The following CDK17 variants were observed in gnomAD, a reference collection of about 807,000 sequenced individuals.
The protein encoded by CDK17 is cyclin dependent kinase 17.
A neutral mutation model predicts 77.6 loss-of-function variants in CDK17; 24 were observed. The ratio of observed to expected loss-of-function variants is 0.31; its 90% confidence interval spans 0.22 to 0.44. The LOEUF (loss-of-function observed/expected upper bound fraction) is 0.44, where lower values mean the gene tolerates loss of function less well. Ranked by LOEUF, CDK17 falls within the 20% of genes least tolerant of loss-of-function variation. CDK17 has a pLI of 1.00. For synonymous variants in CDK17, 203 were observed against 210.4 expected, an observed-to-expected ratio of 0.96 and a Z score of 0.30; for missense variants, 429 against 622.5, an observed-to-expected ratio of 0.69 and a Z score of 3.31.
intron 5 of CDK17, among the ~76,000 whole-genome samples, chr12:96,310,274 AAT>A (rs569811289): frequency 2.0e-5 from 3 of 152,024 alleles, no homozygotes; most frequent in Non-Finnish European, 4.4e-5. Flanking sequence ...CATATTGTGC[AAT>A]ATATATATAC....
chr12:96,312,649 T>C (rs372812108), intron 4 of CDK17, among the ~76,000 whole-genome samples: 2 of 152,192 alleles, frequency 1.3e-5, no homozygotes, highest in African/African-American at 4.8e-5. Flanking sequence ...AATACTTTCA[T>C]TTCAAAACAT....
intron 5 of CDK17, among the ~76,000 whole-genome samples, chr12:96,308,078 T>C (rs915311689): frequency 6.6e-6 from 1 of 151,980 alleles, no homozygotes; most frequent in Non-Finnish European, 1.5e-5. Context: ...TTGTAGACTA[T>C]CTAACTAGAA....
chr12:96,339,922 C>T (rs1289996452), intron 1 of CDK17, among the ~76,000 whole-genome samples: 1 of 151,554 alleles, frequency 6.6e-6, no homozygotes, highest in East Asian at 1.9e-4. Context: ...GACTCTGTCT[C>T]AATCAATCAA....
chr12:96,361,218 T>C (rs1041331194), intron 1 of CDK17, among the ~76,000 whole-genome samples: 1 of 152,188 alleles, frequency 6.6e-6, no homozygotes, highest in Non-Finnish European at 1.5e-5. Context: ...GTGATGAAGA[T>C]GGTTTTATGA....
intron 5 of CDK17, among the ~76,000 whole-genome samples, chr12:96,305,552 C>A (rs1311702032): frequency 6.6e-6 from 1 of 152,062 alleles, no homozygotes; most frequent in African/African-American, 2.4e-5. Context: ...AGACTGAACA[C>A]ACATCAGTTT....
At chr12:96,322,943 A>G (rs1218482352) in intron 3 of CDK17, among the ~76,000 whole-genome samples, 1 of 152,226 alleles carries the variant, frequency 6.6e-6, no homozygotes, top group Non-Finnish European at 1.5e-5. Context: ...TAAAGGCTAT[A>G]TGCAGTTCTC....
At chr12:96,357,518 TG>T (rs1953415854) in intron 1 of CDK17, among the ~76,000 whole-genome samples, 1 of 152,160 alleles carries the variant, frequency 6.6e-6, no homozygotes. Context: ...AGTTATGTGA[TG>T]AACACTCTCG....
At chr12:96,390,577 C>T (rs1014797978) in intron 1 of CDK17, among the ~76,000 whole-genome samples, 3 of 149,756 alleles carry the variant, frequency 2.0e-5, no homozygotes, top group East Asian at 2.0e-4. Context: ...GACACAATGG[C>T]GTGCACCTGT....
At chr12:96,371,245 A>T (rs1400261884) in intron 1 of CDK17, among the ~76,000 whole-genome samples, 2 of 152,118 alleles carry the variant, frequency 1.3e-5, no homozygotes, top group African/African-American at 4.8e-5. Flanking sequence ...CTACAATACC[A>T]GATTATCTCA....
intron 1 of CDK17, among the ~76,000 whole-genome samples, chr12:96,396,238 C>T (rs1199596018): frequency 1.3e-5 from 2 of 152,214 alleles, no homozygotes; most frequent in Non-Finnish European, 2.9e-5. Context: ...ATTCAATACA[C>T]TTCTCTGGCC....
intron 10 of CDK17, among the ~76,000 whole-genome samples, chr12:96,290,161 A>G (rs963041272): frequency 1.3e-5 from 2 of 152,240 alleles, no homozygotes; most frequent in African/African-American, 4.8e-5. Context: ...TAAGTGATAT[A>G]AAACATTTGC....
chr12:96,395,838 G>A (rs1954159493), intron 1 of CDK17, among the ~76,000 whole-genome samples: 1 of 152,152 alleles, frequency 6.6e-6, no homozygotes, highest in Non-Finnish European at 1.5e-5. Flanking sequence ...CAGACAGGGA[G>A]GAAAGGACTT....
At chr12:96,398,624 C>T (rs1252265944) in intron 1 of CDK17, among the ~76,000 whole-genome samples, 1 of 152,182 alleles carries the variant, frequency 6.6e-6, no homozygotes, top group Non-Finnish European at 1.5e-5. Context: ...TAAAAGAAAT[C>T]TTTCAACAAA....
intron 1 of CDK17, among the ~76,000 whole-genome samples, chr12:96,379,692 A>G (rs1953845124): frequency 6.6e-6 from 1 of 152,090 alleles, no homozygotes; most frequent in African/African-American, 2.4e-5. Context: ...GGCTTCCCAA[A>G]TTTGCAGGAA....
At chr12:96,345,142 T>G (rs566876279) in intron 1 of CDK17, among the ~76,000 whole-genome samples, 64 of 152,344 alleles carry the variant, frequency 4.2e-4, no homozygotes, top group Non-Finnish European at 2.5e-4. Flanking sequence ...ACCATGTCCC[T>G]GCAAAGGACA....
rs937900625 is a variant in CDK17, at chr12:96,345,481, C to G, written c.-29-10616G>C. 1.3e-5 allele frequency among the ~76,000 whole-genome samples: 2 copies of G among 152,152 alleles called. 1 individual carries two copies. Among genetic ancestry groups the G allele is most frequent in the Admixed American group, 1.3e-4 (2 of 15,278 alleles). On this transcript the variant is annotated intron_variant, in intron 1 of 16. Transcript: ENST00000261211. ...CATCCCTATTTCTCCGCAACCTTGC[C>G]AGTATCTGTTGTTTCTTGACATTTT...
intron 1 of CDK17, chr12:96,399,197 C>T (rs1053881639): frequency 6.6e-6 from 1 of 152,334 alleles, no homozygotes; most frequent in Non-Finnish European, 1.5e-5. Flanking sequence ...TGGAGCTATC[C>T]AGCTGAGTTG....
intron 1 of CDK17, among the ~76,000 whole-genome samples, chr12:96,396,161 T>C (rs1295174980): frequency 6.6e-6 from 1 of 152,178 alleles, no homozygotes; most frequent in Non-Finnish European, 1.5e-5. Flanking sequence ...TAGATGTCTA[T>C]TGATTTTCCA....
chr12:96,362,740 T>A (rs896536947), intron 1 of CDK17, among the ~76,000 whole-genome samples: 1 of 152,160 alleles, frequency 6.6e-6, no homozygotes, highest in African/African-American at 2.4e-5. Context: ...TCTAACCACA[T>A]ACAATTTTTT....
Sources: gnomAD v4.1 joint callset for allele counts (sites outside exome capture counted in the v4.1 genomes callset) on GRCh38, gnomAD v4.1.1 for gene constraint, MANE v1.5 for transcripts, NCBI Gene and HGNC (gene_info 2026-07-23, HGNC 2026-07-21) for gene names.